The following PARVA variants were observed in gnomAD, a reference collection of about 807,000 sequenced individuals.
PARVA encodes alpha-parvin.
A neutral mutation model predicts 52.6 loss-of-function variants in PARVA; 25 were observed. That is an observed-to-expected ratio of 0.48 (90% CI 0.35 to 0.66). The LOEUF is 0.66. Among genes scored for constraint, PARVA ranks in the 30% least tolerant of loss-of-function variants. The pLI is 0.01. For synonymous variants in PARVA, 185 were observed against 179.1 expected (o/e 1.03, Z -0.26); for missense variants, 373 against 450.9 (o/e 0.83, Z 1.56).
At chr11:12,454,407 T>A (rs1940666237) in intron 1 of PARVA, among the ~76,000 whole-genome samples, 1 of 152,230 alleles carries the variant, frequency 6.6e-6, no homozygotes, top group African/African-American at 2.4e-5. Context: ...AAAGTCATTA[T>A]ATATTAAATA....
At chr11:12,520,774 A>T (rs1341679278) in intron 12 of PARVA, among the ~76,000 whole-genome samples, 1 of 151,828 alleles carries the variant, frequency 6.6e-6, no homozygotes, top group Non-Finnish European at 1.5e-5. Context: ...ACATAGTGAG[A>T]CCCCACCTGT....
intron 1 of PARVA, among the ~76,000 whole-genome samples, chr11:12,391,854 T>C (rs1939664541): frequency 1.3e-5 from 2 of 152,212 alleles, no homozygotes; most frequent in African/African-American, 2.4e-5. Context: ...TGGGCACTTT[T>C]TTAATATAGC....
At chr11:12,438,134 C>T (rs1475902251) in intron 1 of PARVA, among the ~76,000 whole-genome samples, 1 of 151,972 alleles carries the variant, frequency 6.6e-6, no homozygotes, top group East Asian at 1.9e-4. Flanking sequence ...GTGGCGGGCG[C>T]CTGTAGTCCC....
intron 1 of PARVA, among the ~76,000 whole-genome samples, chr11:12,435,522 C>T (rs1262537043): frequency 6.6e-6 from 1 of 152,190 alleles, no homozygotes; most frequent in Non-Finnish European, 1.5e-5. Flanking sequence ...ATAGCAAGTG[C>T]TTGTGTTTGA....
In PARVA at chr11:12,496,505, G is replaced by A; in HGVS notation, c.448G>A (p.Glu150Lys). ...KLNVAEVTQS[E>K]IAQKQKLQTV... ...AAATGTGGCTGAGGTCACCCAGTCA[G>A]AGATTGCTCAGAAGCAAAAACTGCA... Residue 150 changes from glutamate to lysine, a missense_variant, in exon 5 of 13, where the codon GAG (glutamate) becomes AAG (lysine). Physicochemically the swap from Glu to Lys is moderately conservative, Grantham distance 56. Coordinates refer to ENST00000334956, the MANE Select transcript of PARVA (RefSeq NM_018222.5). The A allele has an allele frequency of 6.2e-7, 1 of 1,609,478 alleles. No individual in the cohort carries two copies. The highest frequency in any genetic ancestry group is 8.5e-7 in the Non-Finnish European group (1 of 1,177,988).
chr11:12,520,162 T>A (rs1941620166), intron 12 of PARVA, among the ~76,000 whole-genome samples: 1 of 152,248 alleles, frequency 6.6e-6, no homozygotes, highest in East Asian at 1.9e-4. Context: ...ATGCAATTAT[T>A]AAGTTGCTGA....
intron 12 of PARVA, among the ~76,000 whole-genome samples, chr11:12,525,553 G>T (rs1272374780): frequency 1.3e-5 from 2 of 152,080 alleles, no homozygotes; most frequent in Non-Finnish European, 2.9e-5. Context: ...CCTGGTATTT[G>T]ACTTGAGTAG....
chr11:12,381,885 C>A (rs1390054955), intron 1 of PARVA, among the ~76,000 whole-genome samples: 1 of 152,192 alleles, frequency 6.6e-6, no homozygotes, highest in African/African-American at 2.4e-5. Flanking sequence ...CATGACTTTT[C>A]TCTGATACTT....
At chr11:12,424,356 G>A (rs2134987500) in intron 1 of PARVA, among the ~76,000 whole-genome samples, 1 of 151,970 alleles carries the variant, frequency 6.6e-6, no homozygotes, top group African/African-American at 2.4e-5. Context: ...TTTTCATCGT[G>A]TCCTGCAGCA....
chr11:12,477,031 T>G (rs1035648974), intron 3 of PARVA: 3 of 152,124 alleles, frequency 2.0e-5, no homozygotes, highest in African/African-American at 7.2e-5. Flanking sequence ...GGAACTGTTC[T>G]GTATCTCGAT....
intron 1 of PARVA, among the ~76,000 whole-genome samples, chr11:12,432,364 T>C (rs1940327279): frequency 6.6e-6 from 1 of 152,204 alleles, no homozygotes; most frequent in Admixed American, 6.5e-5. Context: ...TGTTGGGAAA[T>C]GGAGAGAGTA....
chr11:12,385,711 A>G (rs1418545879), intron 1 of PARVA, among the ~76,000 whole-genome samples: 1 of 152,134 alleles, frequency 6.6e-6, no homozygotes, highest in Non-Finnish European at 1.5e-5. Context: ...GTTCCCATAT[A>G]ATTTTAGTTA....
chr11:12,404,372 C>G (rs912227897), intron 1 of PARVA, among the ~76,000 whole-genome samples: 11 of 151,794 alleles, frequency 7.2e-5, no homozygotes, highest in African/African-American at 2.7e-4. Flanking sequence ...CTTGGGGATG[C>G]AAAGGAGAGC....
At chr11:12,381,244 G>A (rs78698471) in intron 1 of PARVA, among the ~76,000 whole-genome samples, 9,067 of 152,290 alleles carry the variant, frequency 0.06, 454 homozygotes, top group African/African-American at 0.12. Flanking sequence ...CATCACTTCA[G>A]TAATAATAAG....
At chr11:12,522,492 C>T (rs1356363758) in intron 12 of PARVA, among the ~76,000 whole-genome samples, 2 of 146,514 alleles carry the variant, frequency 1.4e-5, no homozygotes, top group Non-Finnish European at 3.0e-5. Flanking sequence ...GGTCTCGGCT[C>T]ACTGGAACCT....
At chr11:12,407,480 GC>G (rs1459452721) in intron 1 of PARVA, among the ~76,000 whole-genome samples, 3 of 152,196 alleles carry the variant, frequency 2.0e-5, no homozygotes, top group African/African-American at 7.2e-5. Flanking sequence ...TTTAAAAGAT[GC>G]CCAGTAAACA....
At chr11:12,518,773 G>T (rs1306600131) in intron 12 of PARVA, among the ~76,000 whole-genome samples, 1 of 152,236 alleles carries the variant, frequency 6.6e-6, no homozygotes. Context: ...AACTGCTGCT[G>T]CAGGAACTGC....
intron 5 of PARVA, among the ~76,000 whole-genome samples, chr11:12,499,624 T>A (rs996697522): frequency 5.3e-5 from 8 of 152,170 alleles, no homozygotes; most frequent in Non-Finnish European, 1.2e-4. Flanking sequence ...AATTCTTTTA[T>A]TCCCATGTTA....
At chr11:12,449,706 A>C (rs1940598419) in intron 1 of PARVA, among the ~76,000 whole-genome samples, 1 of 152,160 alleles carries the variant, frequency 6.6e-6, no homozygotes, top group Admixed American at 6.5e-5. Flanking sequence ...GTCTGGAGAT[A>C]TTTTTGGTTG....
Sources: gnomAD v4.1 joint callset for allele counts (sites outside exome capture counted in the v4.1 genomes callset) on GRCh38, gnomAD v4.1.1 for gene constraint, MANE v1.5 for transcripts, NCBI Gene and HGNC (gene_info 2026-07-23, HGNC 2026-07-21) for gene names.